Variants in KIF17 observed in about 807,000 individuals in gnomAD.
KIF17 encodes the protein kinesin-like protein KIF17.
A neutral mutation model predicts 96.8 loss-of-function variants in KIF17; 80 were observed. That is an observed-to-expected ratio of 0.83 (90% CI 0.69 to 1.00). The LOEUF is 1.00. Ranked by LOEUF, KIF17 falls within the 50% of genes least tolerant of loss-of-function variation. The pLI is 0.00. For missense variants in KIF17, 1,280 were observed against 1,372.9 expected, an observed-to-expected ratio of 0.93 and a Z score of 1.07; for synonymous variants, 567 against 587.5, an observed-to-expected ratio of 0.97 and a Z score of 0.51.
chr1:20,673,223 A>G (rs1299252542), intron 11 of KIF17, among the ~76,000 whole-genome samples: 1 of 152,072 alleles, frequency 6.6e-6, no homozygotes, highest in African/African-American at 2.4e-5. Context: ...CAAAATAAAT[A>G]AATAAATAAA....
intron 3 of KIF17, among the ~76,000 whole-genome samples, chr1:20,712,232 G>C (rs1225146952): frequency 6.6e-6 from 1 of 152,110 alleles, no homozygotes; most frequent in Non-Finnish European, 1.5e-5. Context: ...GGGGGCCAGA[G>C]TGCCCTAACT....
intron 6 of KIF17, 54 bp downstream of exon 6, chr1:20,698,325 G>A (rs529534428): frequency 4.6e-6 from 6 of 1,310,624 alleles, no homozygotes; most frequent in East Asian, 2.3e-5. Flanking sequence ...TGCCCTTCCC[G>A]CTGGGCCCCA....
intron 7 of KIF17, 82 bp downstream of exon 7, chr1:20,690,106 G>T: frequency 6.8e-7 from 1 of 1,473,202 alleles, no homozygotes; most frequent in African/African-American, 1.4e-5. Flanking sequence ...TGTAGAAAAT[G>T]CTCTGTGATG....
In KIF17 at chr1:20,704,631, C is replaced by G. The variant is rs747253875; in HGVS notation, c.939G>C (p.Ser313=). 1 of 1,614,094 alleles carries G rather than the reference C, an allele frequency of 6.2e-7. No homozygotes were observed. Among genetic ancestry groups the G allele is most frequent in the Non-Finnish European group, 8.5e-7 (1 of 1,180,002 alleles). The change falls in exon 5 of 15, where the codon TCG becomes TCC. Residue 313 remains serine, a synonymous_variant. Transcript: ENST00000400463. The surrounding 1 kb of genome is among the most constrained non-coding windows in gnomAD (Gnocchi z 6.8). ...NTKTLMVACL[S]PADNNYDETL... is the part of the protein sequence containing the mutation. Reference sequence around the variant, plus strand: ...TCTCATCGTAGTTGTTGTCCGCAGGCGACAGGCAGGCCACCATGAGCGTCT... The same window carrying G: ...TCTCATCGTAGTTGTTGTCCGCAGGGGACAGGCAGGCCACCATGAGCGTCT...
chr1:20,666,520 C>A (rs2053532589), intron 13 of KIF17, among the ~76,000 whole-genome samples, 189 bp from the exon 14 acceptor site: 1 of 152,126 alleles, frequency 6.6e-6, no homozygotes, highest in Non-Finnish European at 1.5e-5. Flanking sequence ...GGGTGGGATC[C>A]CAGGCAGCTC....
At chr1:20,681,381 G>A (rs965519645) in intron 11 of KIF17, among the ~76,000 whole-genome samples, 6 of 151,576 alleles carry the variant, frequency 4.0e-5, no homozygotes, top group Middle Eastern at 3.4e-3. Context: ...TAGTAGAGAC[G>A]GCATTTCACC....
At chr1:20,683,686 G>C (rs569684185) in intron 10 of KIF17, among the ~76,000 whole-genome samples, 55 of 152,146 alleles carry the variant, frequency 3.6e-4, no homozygotes, top group Middle Eastern at 3.4e-3. Context: ...ACATCCTGCT[G>C]TGGGTCTCCA....
intron 6 of KIF17, among the ~76,000 whole-genome samples, chr1:20,698,064 C>T (rs1412099665): frequency 1.3e-5 from 2 of 152,236 alleles, no homozygotes; most frequent in Non-Finnish European, 2.9e-5. Flanking sequence ...AATGCACAGC[C>T]ACCCCTTCCT....
chr1:20,712,664 TA>T (rs1350213207), intron 3 of KIF17, among the ~76,000 whole-genome samples: 2 of 96,310 alleles, frequency 2.1e-5, no homozygotes, highest in Non-Finnish European at 3.9e-5. Flanking sequence ...TATCTATATA[TA>T]ATATAGATAA....
In KIF17 at chr1:20,704,140, C is replaced by A. The variant is rs1021595410; in HGVS notation, c.1123+307G>T. ...CGACAATGCCACAGACAGCAGCAGA[C>A]GGGGGTGTGGTGGGGGGTGTGGTGG... On this transcript the variant is annotated intron_variant, in intron 5 of 14. Coordinates refer to ENST00000400463, the MANE Select transcript of KIF17 (RefSeq NM_001122819.3). This position sits in a 1 kb window ranked among gnomAD's most constrained non-coding sequence, Gnocchi z 6.8. Among the ~76,000 whole-genome samples the A allele has an allele frequency of 6.7e-4, 2 of 3,002 alleles. No homozygotes were observed. The highest frequency in any genetic ancestry group is 1.2e-3 in the Non-Finnish European group (2 of 1,610). The allele number at this position is 3,002 out of a possible 152,430, so 2.0% of individuals were successfully genotyped here. A position where few individuals can be genotyped will look rare whatever the true frequency, so the allele number is the denominator to read the frequency against.
At chr1:20,692,338 T>C (rs2054053371) in intron 6 of KIF17, among the ~76,000 whole-genome samples, 1 of 142,428 alleles carries the variant, frequency 7.0e-6, no homozygotes, top group African/African-American at 2.7e-5. Flanking sequence ...CCTTCCTCTA[T>C]TGCTTTTTTT....
chr1:20,684,845 G>T lies in KIF17; in HGVS notation c.2195C>A (p.Pro732Gln). The T allele has an allele frequency of 6.3e-7, 1 of 1,594,342 alleles. No homozygotes were observed. Among genetic ancestry groups the T allele is most frequent in the Non-Finnish European group, 8.5e-7 (1 of 1,170,912 alleles). Reference sequence around the variant, plus strand: ...CTGCTGCTGGTCCACAACGGGCAGCGGGTCATCAGTCAGCACTGCCACCTC... The same window carrying T: ...CTGCTGCTGGTCCACAACGGGCAGCTGGTCATCAGTCAGCACTGCCACCTC... ...GMEVAVLTDD[P>Q]LPVVDQQQVL... The change falls in exon 10 of 15, where the codon CCG becomes CAG. Residue 732 changes from proline to glutamine, a missense_variant. Physicochemically the swap from Pro to Gln is moderately conservative, Grantham distance 76 (BLOSUM62 -1). Coordinates refer to ENST00000400463, the MANE Select transcript of KIF17 (RefSeq NM_001122819.3).
At position 20,687,772 on chromosome 1, in the gene KIF17, G is replaced by A. The variant is rs115506787; in HGVS notation, c.1554C>T (p.Ser518=). The change falls in exon 8 of 15, where the codon TCC becomes TCT. Residue 518 remains serine (S), a synonymous_variant. Coordinates refer to ENST00000400463, the MANE Select transcript of KIF17 (RefSeq NM_001122819.3). The surrounding 1 kb of genome is among the most constrained non-coding windows in gnomAD (Gnocchi z 4.4). ...PSDDVSKTQV[S]SRFAELPKVE... is the part of the protein sequence containing the mutation. ...CCTTGGGCAGCTCCGCAAACCTGGA[G>A]GAAACCTGAGTCTTGGAGACATCGT... 3.1e-4 allele frequency: 502 copies of A among 1,614,220 alleles called. 1 individual carries two copies. The African/African-American group carries it at 5.6e-3, about 18-fold the overall frequency.
intron 5 of KIF17, among the ~76,000 whole-genome samples, chr1:20,702,793 G>A (rs186946212): frequency 1.0e-3 from 155 of 152,330 alleles, no homozygotes; most frequent in African/African-American, 3.3e-3. Context: ...AGACCTGGCT[G>A]ACCATGCACT....
chr1:20,715,157 G>A (rs2054554718), intron 2 of KIF17, among the ~76,000 whole-genome samples: 2 of 152,144 alleles, frequency 1.3e-5, no homozygotes, highest in South Asian at 4.1e-4. Context: ...GGATGCCAAG[G>A]GCTTCACATA....
rs745491929 is a variant in KIF17, at chr1:20,687,351, T to G, written c.1938+37A>C. 6.2e-7 allele frequency: 1 copy of G among 1,607,512 alleles called. No homozygotes were observed. The highest frequency in any genetic ancestry group is 1.1e-5 in the South Asian group (1 of 90,902). On this transcript the variant is annotated intron_variant, in intron 8 of 14. Coordinates refer to ENST00000400463, the MANE Select transcript of KIF17 (RefSeq NM_001122819.3). This position sits in a 1 kb window ranked among gnomAD's most constrained non-coding sequence, Gnocchi z 4.4. ...CGGGCCCTGGGCAAGCTCTGCCTGCTCAGTGTTCACATGGCACCATGCGTG... is the reference window on the plus strand; with the variant it reads ...CGGGCCCTGGGCAAGCTCTGCCTGCGCAGTGTTCACATGGCACCATGCGTG...
rs2054191316 is a variant in KIF17, at chr1:20,699,141, G to T, written c.1124-653C>A. ...ATCTTTTATTTTTTGTAGAGATGGGGTCTCGCCATGTTGTCCAGGCTGGTC... is the reference window on the plus strand; with the variant it reads ...ATCTTTTATTTTTTGTAGAGATGGGTTCTCGCCATGTTGTCCAGGCTGGTC... On this transcript the variant is annotated intron_variant, in intron 5 of 14. Coordinates refer to ENST00000400463, the MANE Select transcript of KIF17 (RefSeq NM_001122819.3). This position sits in a 1 kb window ranked among gnomAD's most constrained non-coding sequence, Gnocchi z 4.3. Among the ~76,000 whole-genome samples the T allele has an allele frequency of 6.6e-6, 1 of 152,098 alleles. No individual in the cohort carries two copies. Among genetic ancestry groups the T allele is most frequent in the Non-Finnish European group, 1.5e-5 (1 of 68,024 alleles).
chr1:20,685,816 A>T lies in KIF17; in HGVS notation c.2019+230T>A, dbSNP rs2053927320. On this transcript the variant is annotated intron_variant, in intron 9 of 14. Transcript: ENST00000400463. The surrounding 1 kb of genome is among the most constrained non-coding windows in gnomAD (Gnocchi z 4.1). ...GGCGACAAGGCTAAGGAAGGTTTGA[A>T]AGCCACCATCTAGAACAACAGGCCA... 1.3e-5 allele frequency among the ~76,000 whole-genome samples: 2 copies of T among 152,214 alleles called. No homozygotes were observed. Among genetic ancestry groups the T allele is most frequent in the Non-Finnish European group, 2.9e-5 (2 of 68,038 alleles).
At position 20,687,360 on chromosome 1, in the gene KIF17, A is replaced by C; in HGVS notation, c.1938+28T>G. ...GGCAAGCTCTGCCTGCTCAGTGTTC[A>C]CATGGCACCATGCGTGACATCAGCT... On this transcript the variant is annotated intron_variant, in intron 8 of 14. Coordinates refer to ENST00000400463, the MANE Select transcript of KIF17 (RefSeq NM_001122819.3). The surrounding 1 kb of genome is among the most constrained non-coding windows in gnomAD (Gnocchi z 4.4). 1 of 1,610,680 alleles carries C rather than the reference A, an allele frequency of 6.2e-7. No individual in the cohort carries two copies.
Sources: allele counts gnomAD v4.1 joint callset (sites outside exome capture counted in the v4.1 genomes callset), GRCh38; gene constraint gnomAD v4.1.1; non-coding constraint Gnocchi (gnomAD v3.1); transcripts MANE v1.5; gene names NCBI Gene and HGNC (gene_info 2026-07-23, HGNC 2026-07-21).